GRM7: variants seen among roughly 807,000 people sequenced by gnomAD.
GRM7 encodes the protein metabotropic glutamate receptor 7.
A neutral mutation model predicts 84.5 loss-of-function variants in GRM7; 35 were observed. The observed-to-expected ratio is 0.41, with a 90% CI of 0.32 to 0.55. The LOEUF (loss-of-function observed/expected upper bound fraction) is 0.55, where lower values mean the gene tolerates loss of function less well. GRM7 is among the 20% of genes least tolerant of loss of function. The pLI, the probability that GRM7 is intolerant of heterozygous loss-of-function variation, is 0.19. For synonymous variants in GRM7, 487 were observed against 455.1 expected (o/e 1.07, Z -0.89); for missense variants, 1,003 against 1,194.6 (o/e 0.84, Z 2.36).
chr3:6,938,506 C>A (rs1023552531), intron 1 of GRM7, among the ~76,000 whole-genome samples: 2 of 152,106 alleles, frequency 1.3e-5, no homozygotes, highest in African/African-American at 2.4e-5. Flanking sequence ...TCTTGAGCAC[C>A]ATTAACGTGC....
intron 2 of GRM7, among the ~76,000 whole-genome samples, chr3:7,221,845 C>G (rs536522550): frequency 7.8e-6 from 1 of 128,330 alleles, no homozygotes; most frequent in Non-Finnish European, 1.6e-5. Context: ...CTTACTCTGT[C>G]GCCAAGCCTG....
chr3:7,561,362 A>G (rs996626919), intron 7 of GRM7: 6 of 336,468 alleles, frequency 1.8e-5, no homozygotes, highest in African/African-American at 1.1e-4. Flanking sequence ...CTGAGATCCT[A>G]TTGAGGGAAA....
At chr3:7,734,352 C>T (rs1038437974) in intron 9 of GRM7, among the ~76,000 whole-genome samples, 2 of 152,064 alleles carry the variant, frequency 1.3e-5, no homozygotes, top group African/African-American at 4.8e-5. Flanking sequence ...GCTGATGACA[C>T]ATGGCAGCTT....
chr3:7,722,758 C>G (rs2106520667), intron 9 of GRM7, among the ~76,000 whole-genome samples: 1 of 152,182 alleles, frequency 6.6e-6, no homozygotes, highest in East Asian at 1.9e-4. Flanking sequence ...GTTTTTCCCA[C>G]TGCTCTGTTT....
intron 9 of GRM7, chr3:7,694,483 TG>T (rs1250740628): frequency 2.0e-6 from 1 of 493,564 alleles, no homozygotes; most frequent in African/African-American, 2.1e-5. Context: ...ATCTAATTTT[TG>T]TTTGGAACAA....
intron 5 of GRM7, among the ~76,000 whole-genome samples, chr3:7,415,565 A>G (rs995009486): frequency 2.0e-5 from 3 of 152,180 alleles, no homozygotes; most frequent in African/African-American, 7.2e-5. Flanking sequence ...GATTGGGTTT[A>G]GAATAATGAA....
intron 1 of GRM7, among the ~76,000 whole-genome samples, chr3:6,985,227 A>G (rs1276811164): frequency 2.0e-5 from 3 of 152,138 alleles, no homozygotes; most frequent in African/African-American, 7.2e-5. Flanking sequence ...AAACAATCCA[A>G]TTACACTGTT....
At chr3:6,936,885 G>A (rs570565870) in intron 1 of GRM7, among the ~76,000 whole-genome samples, 11 of 152,208 alleles carry the variant, frequency 7.2e-5, no homozygotes, top group African/African-American at 2.6e-4. Flanking sequence ...CAATGCTCAG[G>A]TGTTCACCCT....
chr3:7,540,344 G>A (rs1692803182), intron 7 of GRM7, among the ~76,000 whole-genome samples: 1 of 152,146 alleles, frequency 6.6e-6, no homozygotes. Flanking sequence ...TTCATCAACT[G>A]ATGAGTGAAG....
At chr3:7,670,931 A>G (rs1461538944) in intron 8 of GRM7, among the ~76,000 whole-genome samples, 2 of 152,208 alleles carry the variant, frequency 1.3e-5, no homozygotes, top group East Asian at 3.9e-4. Flanking sequence ...TCGTCTCTCC[A>G]GGATAACTAT....
chr3:7,725,198 T>C (rs1418654192), intron 9 of GRM7, among the ~76,000 whole-genome samples: 1 of 152,162 alleles, frequency 6.6e-6, no homozygotes, highest in Non-Finnish European at 1.5e-5. Flanking sequence ...GGTTGGCAAG[T>C]GCTGTTTCAC....
chr3:7,622,593 G>A (rs1259007369), intron 8 of GRM7, among the ~76,000 whole-genome samples: 1 of 151,994 alleles, frequency 6.6e-6, no homozygotes, highest in African/African-American at 2.4e-5. Flanking sequence ...GAATACGGTG[G>A]AATTGACATA....
intron 1 of GRM7, among the ~76,000 whole-genome samples, chr3:7,012,423 A>C (rs1036104635): frequency 6.6e-6 from 1 of 152,232 alleles, no homozygotes; most frequent in African/African-American, 2.4e-5. Context: ...TATTCAATGA[A>C]ACCTCATATA....
chr3:6,959,123 C>T (rs1400043746), intron 1 of GRM7, among the ~76,000 whole-genome samples: 1 of 152,066 alleles, frequency 6.6e-6, no homozygotes, highest in African/African-American at 2.4e-5. Flanking sequence ...AGAATTAAGG[C>T]TAAGCTCTCT....
intron 2 of GRM7, among the ~76,000 whole-genome samples, chr3:7,206,972 G>A (rs751416157): frequency 6.6e-6 from 1 of 152,080 alleles, no homozygotes; most frequent in African/African-American, 2.4e-5. Flanking sequence ...AAATGAAGTC[G>A]GAGTTATGGC....
chr3:7,671,717 G>A (rs956774820), intron 8 of GRM7, among the ~76,000 whole-genome samples: 1 of 151,698 alleles, frequency 6.6e-6, no homozygotes, highest in Non-Finnish European at 1.5e-5. Flanking sequence ...AGAGATCTAA[G>A]TAGAATAGCA....
intron 2 of GRM7, among the ~76,000 whole-genome samples, chr3:7,283,131 T>TC (rs1199761348): frequency 6.6e-6 from 1 of 152,102 alleles, no homozygotes; most frequent in Non-Finnish European, 1.5e-5. Context: ...GTTTCGAAGT[T>TC]CTGAGTTGTA....
chr3:7,064,072 AATTT>A (rs1697531581), intron 1 of GRM7, among the ~76,000 whole-genome samples: 1 of 151,320 alleles, frequency 6.6e-6, no homozygotes, highest in African/African-American at 2.4e-5. Flanking sequence ...TTTACTTTAT[AATTT>A]ATTTTATTTT....
At chr3:7,331,710 G>A (rs778433502) in intron 4 of GRM7, among the ~76,000 whole-genome samples, 30 of 152,122 alleles carry the variant, frequency 2.0e-4, no homozygotes, top group Admixed American at 1.8e-3. Flanking sequence ...TTGGAGCTCT[G>A]TCTTGTGCTT....
Sources: gnomAD v4.1 joint callset for allele counts (sites outside exome capture counted in the v4.1 genomes callset) on GRCh38, gnomAD v4.1.1 for gene constraint, MANE v1.5 for transcripts, NCBI Gene and HGNC (gene_info 2026-07-23, HGNC 2026-07-21) for gene names.